Variants in FRYL observed in about 807,000 individuals in gnomAD.
FRYL encodes FRY like transcription coactivator, also known as protein furry homolog-like.
A neutral mutation model predicts 351.2 loss-of-function variants in FRYL; 150 were observed. The ratio of observed to expected loss-of-function variants is 0.43; its 90% CI spans 0.37 to 0.49. The LOEUF (loss-of-function observed/expected upper bound fraction) is 0.49, where lower values mean the gene tolerates loss of function less well. Ranked by LOEUF, FRYL falls within the 20% of genes least tolerant of loss-of-function variation. The pLI, the probability that FRYL is intolerant of heterozygous loss-of-function variation, is 0.00. For synonymous variants in FRYL, 1,153 were observed against 1,257.1 expected (o/e 0.92, Z 1.75); for missense variants, 3,036 against 3,619.3 (o/e 0.84, Z 4.13).
intron 40 of FRYL, among the ~76,000 whole-genome samples, chr4:48,548,379 G>C (rs1156348044): frequency 6.6e-6 from 1 of 152,096 alleles, no homozygotes; most frequent in Non-Finnish European, 1.5e-5. Flanking sequence ...TCCAATCCCA[G>C]AGTTAAGTTA....
chr4:48,772,679 C>CAAAAAAAAAAAAAAAAAAAAAAAAAAAA (rs33926702), intron 1 of FRYL, among the ~76,000 whole-genome samples: 4 of 50,294 alleles, frequency 8.0e-5, no homozygotes, highest in Non-Finnish European at 1.1e-4. Context: ...AGAGACCTAC[C>CAAAAAAAAAAAAAAAAAAAAAAAAAAAA]AAAAAAAAAA....
At chr4:48,740,950 T>C (rs1313673838) in intron 1 of FRYL, among the ~76,000 whole-genome samples, 1 of 151,896 alleles carries the variant, frequency 6.6e-6, no homozygotes, top group East Asian at 1.9e-4. Context: ...AGCCTACATA[T>C]GGATACTTAT....
chr4:48,701,311 C>A (rs1210048291), intron 2 of FRYL, among the ~76,000 whole-genome samples: 2 of 152,138 alleles, frequency 1.3e-5, no homozygotes, highest in Non-Finnish European at 2.9e-5. Context: ...GTCATATCCA[C>A]AACAAATCTG....
chr4:48,627,706 T>C (rs1193549645), intron 4 of FRYL, among the ~76,000 whole-genome samples: 1 of 152,206 alleles, frequency 6.6e-6, no homozygotes, highest in Non-Finnish European at 1.5e-5. Flanking sequence ...GGACTTTGTA[T>C]TAACTTCTTA....
chr4:48,736,374 C>G (rs1399781984), intron 1 of FRYL, among the ~76,000 whole-genome samples: 1 of 151,690 alleles, frequency 6.6e-6, no homozygotes, highest in Non-Finnish European at 1.5e-5. Context: ...TGGAAATCAA[C>G]AAAATTGAAA....
At chr4:48,736,011 AT>A (rs1250226620) in intron 1 of FRYL, among the ~76,000 whole-genome samples, 9 of 150,272 alleles carry the variant, frequency 6.0e-5, no homozygotes, top group Admixed American at 1.3e-4. Context: ...AAAATACACA[AT>A]ATCTGCTCTC....
At chr4:48,669,944 A>G (rs1762380907) in intron 3 of FRYL, among the ~76,000 whole-genome samples, 1 of 151,962 alleles carries the variant, frequency 6.6e-6, no homozygotes, top group African/African-American at 2.4e-5. Flanking sequence ...ATTTTTTAAA[A>G]TCATTTTTTA....
chr4:48,535,796 A>G lies in FRYL; in HGVS notation c.6425T>C (p.Val2142Ala). The G allele has an allele frequency of 6.4e-7, 1 of 1,563,372 alleles. No homozygotes were observed. The highest frequency in any genetic ancestry group is 8.7e-7 in the Non-Finnish European group (1 of 1,151,316). ...CAAACTCATCATGTGTGCCAGATTG[A>G]CAAGTGTTGGGCATTTTTCTTCTGC... ...VCAEEKCPTLVNLAHMMSLYS... is the reference protein window; with the variant it reads ...VCAEEKCPTLANLAHMMSLYS... The change falls in exon 48 of 64, where the codon GTC becomes GCC. Residue 2142 changes from valine to alanine, a missense_variant. Val to Ala is a moderately conservative substitution (Grantham distance 64). Transcript: ENST00000358350.
intron 6 of FRYL, among the ~76,000 whole-genome samples, chr4:48,619,788 G>C (rs1750285382): frequency 6.6e-6 from 1 of 152,196 alleles, no homozygotes; most frequent in Admixed American, 6.5e-5. Context: ...ATAAGTCACA[G>C]TGCCTGGTCT....
chr4:48,544,152 T>C (rs573443064), intron 43 of FRYL, among the ~76,000 whole-genome samples, 155 bp from the exon 44 acceptor site: 1 of 152,346 alleles, frequency 6.6e-6, no homozygotes, highest in South Asian at 2.1e-4. Context: ...AAACTCCATT[T>C]GCATTTTAGA....
chr4:48,683,130 G>C (rs765847451), intron 3 of FRYL, among the ~76,000 whole-genome samples: 8 of 152,116 alleles, frequency 5.3e-5, no homozygotes, highest in Non-Finnish European at 1.0e-4. Context: ...GGACATGGAT[G>C]AAGCTGGAAA....
At chr4:48,501,780 C>T (rs775773598) in intron 61 of FRYL, 47 bp from the exon 62 acceptor site, 17 of 1,071,096 alleles carry the variant, frequency 1.6e-5, no homozygotes, top group Non-Finnish European at 2.3e-5. Context: ...ATTTTCTAGA[C>T]AGCATATTTC....
At chr4:48,542,771 A>G (rs1472706025) in intron 44 of FRYL, among the ~76,000 whole-genome samples, 2 of 152,042 alleles carry the variant, frequency 1.3e-5, no homozygotes, top group African/African-American at 4.8e-5. Flanking sequence ...CTCTACCTCC[A>G]TAACTTCCCT....
chr4:48,755,994 G>A (rs1773733755), intron 1 of FRYL, among the ~76,000 whole-genome samples: 1 of 151,494 alleles, frequency 6.6e-6, no homozygotes, highest in African/African-American at 2.4e-5. Context: ...AGAACTTTGG[G>A]AGGCCGAGGG....
At chr4:48,577,931 T>C (rs1739989805) in intron 23 of FRYL, among the ~76,000 whole-genome samples, 1 of 149,856 alleles carries the variant, frequency 6.7e-6, no homozygotes, top group Non-Finnish European at 1.5e-5. Flanking sequence ...CAATACACAA[T>C]ACCTGAGAAC....
chr4:48,616,781 G>A (rs1204279942), intron 7 of FRYL, among the ~76,000 whole-genome samples: 3 of 152,186 alleles, frequency 2.0e-5, no homozygotes, highest in African/African-American at 7.2e-5. Context: ...TCAATCCTCT[G>A]TAGACTGTGT....
intron 4 of FRYL, among the ~76,000 whole-genome samples, chr4:48,627,228 G>A (rs1752014482): frequency 6.6e-6 from 1 of 152,092 alleles, no homozygotes. Flanking sequence ...TGTGAACTAT[G>A]TGTCTAAGAC....
chr4:48,742,685 A>G (rs1057499749), intron 1 of FRYL, among the ~76,000 whole-genome samples: 1 of 152,226 alleles, frequency 6.6e-6, no homozygotes, highest in Non-Finnish European at 1.5e-5. Flanking sequence ...GCTCTCAGGT[A>G]CCATCACTAG....
chr4:48,709,446 A>C (rs1767770907), intron 2 of FRYL, among the ~76,000 whole-genome samples: 1 of 152,244 alleles, frequency 6.6e-6, no homozygotes, highest in Non-Finnish European at 1.5e-5. Flanking sequence ...GTGGAAAGAA[A>C]GAGAATAAAA....
Sources: gnomAD v4.1 joint callset for allele counts (sites outside exome capture counted in the v4.1 genomes callset) on GRCh38, gnomAD v4.1.1 for gene constraint, MANE v1.5 for transcripts, NCBI Gene and HGNC (gene_info 2026-07-23, HGNC 2026-07-21) for gene names.